Variants in PVRIG observed in about 807,000 individuals in gnomAD.
PVRIG encodes transmembrane protein PVRIG.
A neutral mutation model predicts 21.9 loss-of-function variants in PVRIG; 16 were observed. The observed-to-expected ratio is 0.73, with a 90% CI of 0.50 to 1.11. PVRIG has a LOEUF of 1.11. PVRIG is among the 50% of genes most tolerant of loss of function. The pLI is 0.00. For missense variants in PVRIG, 435 were observed against 445.7 expected (o/e 0.98, Z 0.22); for synonymous variants, 190 against 181.0 (o/e 1.05, Z -0.40).
rs752648859 is a variant in PVRIG at position 100,219,934 on chromosome 7, G to A, written c.24G>A (p.Pro8=). 54 of 1,550,198 alleles carry A rather than the reference G, an allele frequency of 3.5e-5. No individual in the cohort carries two copies. The East Asian group carries it at 5.4e-4, about 15-fold the overall frequency. Reference sequence around the variant, plus strand: ...CGATGAGAACAGAGGCACAGGTGCCGGCCCTGCAGCCCCCAGAACCTGGAC... The same window carrying A: ...CGATGAGAACAGAGGCACAGGTGCCAGCCCTGCAGCCCCCAGAACCTGGAC... The change falls in exon 2 of 6, where the codon CCG becomes CCA. Residue 8 remains proline, a synonymous_variant. Transcript: ENST00000317271.
rs752841680 is a variant in PVRIG at position 100,219,979 on chromosome 7, C to T, written c.69C>T (p.His23=). The change falls in exon 2 of 6, where the codon CAC becomes CAT. Residue 23 remains histidine, a synonymous_variant. Coordinates refer to ENST00000317271, the Ensembl canonical transcript of PVRIG. ...CTGGACTGGAGGGGGCCATGGGGCA[C>T]CGGACCCTGGTCCTGCCCTGGGTGC... The T allele has an allele frequency of 5.0e-6, 8 of 1,588,774 alleles. No homozygotes were observed. In the South Asian group the frequency reaches 8.0e-5, roughly 16 times the overall value.
chr7:100,221,406 GGTGTGAGT>G (rs1803248142), exon 6 of PVRIG: 6 of 575,306 alleles, frequency 1.0e-5, no homozygotes, highest in East Asian at 3.0e-5. Context: ...TGTGGGCACA[GGTGTGAGT>G]GTGTGAGTGA....
Position 100,220,692 on chromosome 7 carries a change from C to T in PVRIG, c.596+19C>T, listed in dbSNP as rs1281774044. Reference sequence around the variant, plus strand: ...AGCACCGGTGAGACCTGGTCCCTGTCCACGTCCCCCTGACACTGGGATGGC... The same window carrying T: ...AGCACCGGTGAGACCTGGTCCCTGTTCACGTCCCCCTGACACTGGGATGGC... On this transcript the variant is annotated intron_variant, in intron 4 of 5. Transcript: ENST00000317271. 5.6e-6 allele frequency: 9 copies of T among 1,609,768 alleles called. No homozygotes were observed. The highest frequency in any genetic ancestry group is 7.6e-6 in the Non-Finnish European group (9 of 1,179,934).
At position 100,220,121 on chromosome 7, in the gene PVRIG, G is replaced by A. The variant is rs1397982881; in HGVS notation, c.126G>A (p.Pro42=). ...CTTGCTGCTGTTCCACAGGGACCCC[G>A]GAGGTGTGGGTTCAAGTTCGGATGG... Residue 42 remains proline, a synonymous_variant, in exon 3 of 6, where the codon CCG becomes CCA. Transcript: ENST00000317271. 7.5e-6 allele frequency: 12 copies of A among 1,599,834 alleles called. No homozygotes were observed. In the East Asian group the frequency reaches 1.1e-4, roughly 15 times the overall value.
At chr7:100,221,392 C>A in exon 6 of PVRIG, 1 of 626,510 alleles carries the variant, frequency 1.6e-6, no homozygotes, top group South Asian at 2.3e-5. Context: ...TCTGTGTGTG[C>A]GTGTGTGGGC....
At chr7:100,221,243 G>C (rs769304501) in exon 6 of PVRIG, 2 of 1,570,976 alleles carry the variant, frequency 1.3e-6, no homozygotes, top group African/African-American at 1.3e-5. Flanking sequence ...ACCCTTAGGA[G>C]TTCGATGAGA....
chr7:100,219,619 C>G, intron 1 of PVRIG: 1 of 516,206 alleles, frequency 1.9e-6, no homozygotes, highest in East Asian at 3.6e-5. Flanking sequence ...GGACAGAGCC[C>G]TTTCTTAGGG....
exon 1 of PVRIG, chr7:100,219,259 T>G (rs760414223): frequency 6.4e-6 from 1 of 155,860 alleles, no homozygotes; most frequent in Non-Finnish European, 1.4e-5. Context: ...GGCAGAGGAC[T>G]GCTGTTTGCT....
At position 100,220,074 on chromosome 7, in the gene PVRIG, T is replaced by C. The variant is rs1336938365; in HGVS notation, c.119-40T>C. Reference sequence around the variant, plus strand: ...GGGGCAGGGGCTGCAGGGAGGGTGATGTAGGACAACAGCCCACCGACCTTG... The same window carrying C: ...GGGGCAGGGGCTGCAGGGAGGGTGACGTAGGACAACAGCCCACCGACCTTG... On this transcript the variant is annotated intron_variant, in intron 2 of 5. Coordinates refer to ENST00000317271, the Ensembl canonical transcript of PVRIG. 5 of 1,603,872 alleles carry C rather than the reference T, an allele frequency of 3.1e-6. No individual in the cohort carries two copies. The Admixed American group carries it at 6.8e-5, about 22-fold the overall frequency.
chr7:100,220,080 A>T (rs1803116644), intron 2 of PVRIG, 34 bp from the exon 2 acceptor site: 1 of 1,602,938 alleles, frequency 6.2e-7, no homozygotes, highest in East Asian at 2.2e-5. Flanking sequence ...GTGATGTAGG[A>T]CAACAGCCCA....
chr7:100,220,314 C>T lies in PVRIG; in HGVS notation c.319C>T (p.Arg107Cys), dbSNP rs1199071982. The change falls in exon 3 of 6, where the codon CGC becomes TGC. Residue 107 changes from arginine to cysteine, a missense_variant. Arg to Cys is a radical substitution (Grantham distance 180, BLOSUM62 -3). Transcript: ENST00000317271. ...GCAATGGGCCCCTGCTCGCCAGGCC[C>T]GCTGGGAAACCCAGAGCAGCATCTC... 8 of 1,556,238 alleles carry T rather than the reference C, an allele frequency of 5.1e-6. No individual in the cohort carries two copies. The African/African-American group carries it at 8.2e-5, about 16-fold the overall frequency.
chr7:100,221,149 C>A lies in PVRIG; in HGVS notation c.879C>A (p.Tyr293Ter). The change falls in exon 6 of 6, where the codon TAC becomes TAA. Residue 293 changes from tyrosine (Y) to a stop codon, truncating the protein, a stop_gained. Coordinates refer to ENST00000317271, the Ensembl canonical transcript of PVRIG. LOFTEE classifies it low-confidence loss of function (END_TRUNC). Reference sequence around the variant, plus strand: ...TTGTCTCTGTTGAGAATGGACTCTACGCTCAGGCAGGGGAGAGGCCTCCTC... The same window carrying A: ...TTGTCTCTGTTGAGAATGGACTCTAAGCTCAGGCAGGGGAGAGGCCTCCTC... 2 of 1,613,448 alleles carry A rather than the reference C, an allele frequency of 1.2e-6. No homozygotes were observed. The highest frequency in any genetic ancestry group is 1.7e-6 in the Non-Finnish European group (2 of 1,179,928).
chr7:100,220,342 T>C (rs984297153), exon 3 of PVRIG: 4 of 1,559,024 alleles, frequency 2.6e-6, no homozygotes, highest in Non-Finnish European at 3.5e-6. Context: ...AGCATCTCTC[T>C]CATCCTGGAA....
exon 3 of PVRIG, chr7:100,220,238 C>G (rs144051806): frequency 7.6e-6 from 12 of 1,579,146 alleles, no homozygotes; most frequent in Non-Finnish European, 1.0e-5. Context: ...GGGGCCCCAA[C>G]GGTGCTGGGG....
Position 100,220,047 on chromosome 7 carries a change from G to T in PVRIG, c.118+19G>T. The T allele has an allele frequency of 6.2e-7, 1 of 1,604,924 alleles. No individual in the cohort carries two copies. Among genetic ancestry groups the T allele is most frequent in the Non-Finnish European group, 8.5e-7 (1 of 1,176,292 alleles). The stretch of plus-strand genomic sequence containing the variant: ...ACTGCGGGTGAGTGCCGGCACCAGA[G>T]AGGGGCAGGGGCTGCAGGGAGGGTG... On this transcript the variant is annotated intron_variant, in intron 2 of 5. Coordinates refer to ENST00000317271, the Ensembl canonical transcript of PVRIG.
chr7:100,220,915 T>G lies in PVRIG; in HGVS notation c.658-13T>G, dbSNP rs749063283. The stretch of plus-strand genomic sequence containing the variant: ...GCTGTGCAGACTCACTTGACCCTCC[T>G]TCCCCCGCGCAGGCACCAAGCCAGG... On this transcript the variant is annotated splice_polypyrimidine_tract_variant and intron_variant, in intron 5 of 5. Transcript: ENST00000317271. The G allele has an allele frequency of 1.3e-6, 2 of 1,576,660 alleles. No homozygotes were observed. The highest frequency in any genetic ancestry group is 2.3e-5 in the East Asian group (1 of 44,422).
At chr7:100,221,114 C>T (rs538515532) in exon 6 of PVRIG, 16 of 1,613,958 alleles carry the variant, frequency 9.9e-6, no homozygotes, top group Admixed American at 3.3e-5. Flanking sequence ...CATCCCTGCA[C>T]GTGGCAGCTT....
At chr7:100,219,790 A>T (rs976816646) in exon 2 of PVRIG, 1 of 782,690 alleles carries the variant, frequency 1.3e-6, no homozygotes, top group Non-Finnish European at 2.2e-6. Flanking sequence ...GGGACTGAGC[A>T]GGCCCTCACT....
Position 100,220,641 on chromosome 7 carries a change from C to T in PVRIG, c.564C>T (p.Tyr188=), listed in dbSNP as rs750730618. The T allele has an allele frequency of 1.9e-6, 3 of 1,611,574 alleles. No homozygotes were observed. The South Asian group carries it at 3.3e-5, about 18-fold the overall frequency. The change falls in exon 4 of 6, where the codon TAC becomes TAT. Residue 188 remains tyrosine, a synonymous_variant. Transcript: ENST00000317271. ...GAGTCCTCCTCTTTGGCTGTGTCTA[C>T]CTCCTTCATCTGCTGCGCCGACATA...
Sources: allele counts gnomAD v4.1 joint callset, GRCh38; gene constraint gnomAD v4.1.1; transcripts MANE v1.5; gene names NCBI Gene and HGNC (gene_info 2026-07-23, HGNC 2026-07-21).